ARID5B: variants seen among roughly 807,000 people sequenced by gnomAD.
ARID5B encodes AT-rich interaction domain 5B.
In ARID5B, 13 loss-of-function variants were observed where a neutral mutation model predicts 97.2. The observed-to-expected ratio is 0.13, with a 90% CI of 0.09 to 0.21. The LOEUF (loss-of-function observed/expected upper bound fraction) is 0.21, where lower values mean the gene tolerates loss of function less well. ARID5B is among the 10% of genes least tolerant of loss of function. The pLI is 1.00. For synonymous variants in ARID5B, 556 were observed against 570.3 expected, an observed-to-expected ratio of 0.97 and a Z score of 0.36; for missense variants, 1,210 against 1,465.3, an observed-to-expected ratio of 0.83 and a Z score of 2.84.
chr10:62,039,702 G>A (rs1406471118), intron 4 of ARID5B, among the ~76,000 whole-genome samples: 1 of 152,202 alleles, frequency 6.6e-6, no homozygotes, highest in East Asian at 1.9e-4. Context: ...GTTTTTTGGT[G>A]CTAAGAATGA....
chr10:62,030,517 G>A (rs1354508000), intron 4 of ARID5B, among the ~76,000 whole-genome samples: 1 of 152,226 alleles, frequency 6.6e-6, no homozygotes, highest in Non-Finnish European at 1.5e-5. Flanking sequence ...TAAGAGTGAG[G>A]ATTTGTCATA....
intron 4 of ARID5B, among the ~76,000 whole-genome samples, chr10:62,011,885 T>G (rs1039712966): frequency 2.6e-5 from 4 of 152,110 alleles, no homozygotes; most frequent in African/African-American, 7.2e-5. Flanking sequence ...TGTGGCCCAG[T>G]GCTGAAGGGC....
At chr10:62,031,361 C>T (rs940844249) in intron 4 of ARID5B, among the ~76,000 whole-genome samples, 11 of 149,118 alleles carry the variant, frequency 7.4e-5, no homozygotes, top group Non-Finnish European at 1.5e-4. Context: ...TAGATTGGTC[C>T]ACTTTTCTGC....
intron 2 of ARID5B, among the ~76,000 whole-genome samples, chr10:61,934,883 C>T (rs1383905950): frequency 6.6e-6 from 1 of 151,816 alleles, no homozygotes; most frequent in Non-Finnish European, 1.5e-5. Flanking sequence ...CATGGTGGCA[C>T]ATGCCTGTAA....
Position 62,093,527 on chromosome 10 carries a change from C to A in ARID5B, c.*497C>A, listed in dbSNP as rs1044982190. 5.5e-5 allele frequency: 13 copies of A among 236,506 alleles called. No homozygotes were observed. Among genetic ancestry groups the A allele is most frequent in the Admixed American group, 1.1e-4 (2 of 18,104 alleles). 14.7% of individuals were successfully genotyped at this position (236,506 alleles called of 1,614,324 possible). A position where few individuals can be genotyped will look rare whatever the true frequency, so the allele number is the denominator to read the frequency against. On this transcript the variant is annotated 3_prime_UTR_variant, in exon 10 of 10. Coordinates refer to ENST00000279873, the MANE Select transcript of ARID5B (RefSeq NM_032199.3). The stretch of plus-strand genomic sequence containing the variant: ...GATCTTTCATTTTGACACTATTAAA[C>A]AATCCAGAGAAGTAAACACTGTTAA...
intron 4 of ARID5B, among the ~76,000 whole-genome samples, chr10:62,007,258 T>G (rs1001138889): frequency 3.3e-5 from 5 of 152,156 alleles, no homozygotes; most frequent in Non-Finnish European, 5.9e-5. Flanking sequence ...GGGAACTAGA[T>G]GGATATAAGT....
intron 2 of ARID5B, among the ~76,000 whole-genome samples, chr10:61,919,219 G>T (rs767770112): frequency 2.0e-4 from 30 of 152,004 alleles, no homozygotes; most frequent in Non-Finnish European, 4.1e-4. Flanking sequence ...AGGAAACCTG[G>T]TATTGATCTG....
At chr10:61,977,851 C>G (rs1467676973) in intron 3 of ARID5B, among the ~76,000 whole-genome samples, 1 of 152,196 alleles carries the variant, frequency 6.6e-6, no homozygotes, top group African/African-American at 2.4e-5. Flanking sequence ...TGTGCAGAAA[C>G]TCTTTAGTTT....
chr10:62,087,668 A>G (rs1305287168), intron 9 of ARID5B, among the ~76,000 whole-genome samples: 1 of 152,150 alleles, frequency 6.6e-6, no homozygotes, highest in Non-Finnish European at 1.5e-5. Context: ...AGGCTCCATA[A>G]TTAAACACTG....
chr10:61,928,724 A>C (rs1047760140), intron 2 of ARID5B, among the ~76,000 whole-genome samples: 1 of 151,984 alleles, frequency 6.6e-6, no homozygotes, highest in Non-Finnish European at 1.5e-5. Context: ...CATTTTTCTC[A>C]TTTCACCGCT....
Position 61,951,604 on chromosome 10 carries a change from T to G in ARID5B, c.502+11196T>G, listed in dbSNP as rs1366539801. Among the ~76,000 whole-genome samples, 3 of 152,190 alleles carry G rather than the reference T, an allele frequency of 2.0e-5. No individual in the cohort carries two copies. The East Asian group carries it at 5.8e-4, about 29-fold the overall frequency. ...TTTTTCATTAAGTAACTTTCATTAT[T>G]GTTATTTTTTGTTACTACCAATGTT... On this transcript the variant is annotated intron_variant, in intron 3 of 9. Coordinates refer to ENST00000279873, the MANE Select transcript of ARID5B (RefSeq NM_032199.3).
chr10:62,052,642 C>G (rs1235403595), intron 5 of ARID5B, among the ~76,000 whole-genome samples: 1 of 152,166 alleles, frequency 6.6e-6, no homozygotes, highest in East Asian at 1.9e-4. Context: ...GAAGGCAGCT[C>G]AGAACTCACT....
rs1307707551 is a variant in ARID5B, at chr10:62,095,967, AG to A, written c.*2938del. ...AGTCTGTGATTTATTGGAGATTTGG[AG>A]ATTCTAAATAATATTTTTAAAAAAC... is the stretch of plus-strand genomic sequence containing the variant. On this transcript the variant is annotated 3_prime_UTR_variant, in exon 10 of 10. Transcript: ENST00000279873. 1 of 232,182 alleles carries A rather than the reference AG, an allele frequency of 4.3e-6. No homozygotes were observed. The highest frequency in any genetic ancestry group is 2.2e-5 in the African/African-American group (1 of 45,302). The allele number at this position is 232,182 out of a possible 1,614,324, so 14.4% of individuals were successfully genotyped here.
Position 62,024,697 on chromosome 10 carries a change from C to T in ARID5B, c.733+24376C>T, listed in dbSNP as rs79581789. The T allele has an allele frequency of 2.2e-3, 860 of 396,316 alleles. 10 individuals are homozygous for T. Among genetic ancestry groups the T allele is most frequent in the African/African-American group, 0.016 (793 of 48,616 alleles). The allele number at this position is 396,316 out of a possible 1,614,324, so 24.5% of individuals were successfully genotyped here. On this transcript the variant is annotated intron_variant, in intron 4 of 9. Coordinates refer to ENST00000279873, the MANE Select transcript of ARID5B (RefSeq NM_032199.3). ...GGAGGCAGATTAACTTCCCATTGTT[C>T]TTACTAAGAAGTACAAAGTTACCAA...
chr10:62,032,782 C>CTTGG (rs1392227975), intron 4 of ARID5B, among the ~76,000 whole-genome samples: 3 of 152,278 alleles, frequency 2.0e-5, no homozygotes, highest in Admixed American at 6.5e-5. Flanking sequence ...AAAACCAGGA[C>CTTGG]TTGGTTTGGC....
At chr10:62,066,533 G>A (rs2132949994) in intron 7 of ARID5B, among the ~76,000 whole-genome samples, 1 of 152,268 alleles carries the variant, frequency 6.6e-6, no homozygotes, top group South Asian at 2.1e-4. Context: ...GGTAAAAACT[G>A]TATTTAAACA....
chr10:62,051,140 A>G (rs756110928), intron 5 of ARID5B, 140 bp downstream of exon 5: 21 of 771,856 alleles, frequency 2.7e-5, no homozygotes, highest in Admixed American at 8.0e-5. Flanking sequence ...TTGAAGCTCT[A>G]TGCTGTGCCT....
intron 4 of ARID5B, among the ~76,000 whole-genome samples, chr10:62,047,437 T>C (rs1839724741): frequency 6.6e-6 from 1 of 152,238 alleles, no homozygotes; most frequent in South Asian, 2.1e-4. Context: ...TCTATTGCTT[T>C]GCACTGTTTT....
At chr10:62,036,664 G>A (rs1217526557) in intron 4 of ARID5B, among the ~76,000 whole-genome samples, 1 of 152,224 alleles carries the variant, frequency 6.6e-6, no homozygotes, top group Non-Finnish European at 1.5e-5. Flanking sequence ...GTGTGTTTCA[G>A]TAACATGGTC....
Sources: allele counts gnomAD v4.1 joint callset (sites outside exome capture counted in the v4.1 genomes callset), GRCh38; gene constraint gnomAD v4.1.1; transcripts MANE v1.5; gene names NCBI Gene and HGNC (gene_info 2026-07-23, HGNC 2026-07-21).